Variants in TMEM108 observed in about 807,000 individuals in gnomAD.
TMEM108 encodes the protein cancer/testis antigen 124.
TMEM108 carries 12 observed loss-of-function variants against 35.1 expected under a neutral mutation model. The observed-to-expected ratio is 0.34, with a 90% CI of 0.22 to 0.55. The LOEUF is 0.55. Ranked by LOEUF, TMEM108 falls within the 20% of genes least tolerant of loss-of-function variation. The probability of loss-of-function intolerance (pLI) is 0.89; values close to 1 mark genes in which losing one functional copy is unlikely to be tolerated. For missense variants in TMEM108, 680 were observed against 753.3 expected (o/e 0.90, Z 1.14); for synonymous variants, 287 against 308.6 (o/e 0.93, Z 0.73).
At chr3:133,268,503 AC>A (rs1946728803) in intron 3 of TMEM108, among the ~76,000 whole-genome samples, 1 of 152,126 alleles carries the variant, frequency 6.6e-6, no homozygotes, top group African/African-American at 2.4e-5. Context: ...GAGGAGACCG[AC>A]TCTGAAGTCA....
In TMEM108 at chr3:133,073,506, C is replaced by A. The variant is rs370668607; in HGVS notation, c.-47+27486C>A. On this transcript the variant is annotated intron_variant, in intron 2 of 5. Transcript: ENST00000321871. The stretch of plus-strand genomic sequence containing the variant: ...CTATTCTCTCTCTCTCTCTCTCTCT[C>A]TCTCTATATATATATATATATATAT... 5.2e-3 allele frequency among the ~76,000 whole-genome samples: 409 copies of A among 78,902 alleles called. 2 individuals are homozygous for A. Among genetic ancestry groups the A allele is most frequent in the Middle Eastern group, 0.017 (3 of 180 alleles). The allele number at this position is 78,902 out of a possible 152,430, so 51.8% of individuals were successfully genotyped here.
At chr3:133,064,412 T>A (rs1559820787) in intron 2 of TMEM108, among the ~76,000 whole-genome samples, 1 of 152,246 alleles carries the variant, frequency 6.6e-6, no homozygotes, top group Non-Finnish European at 1.5e-5. Flanking sequence ...GTCTTTAATA[T>A]CTTTATTCTT....
At chr3:133,043,095 A>G (rs1417063184) in intron 1 of TMEM108, among the ~76,000 whole-genome samples, 3 of 152,222 alleles carry the variant, frequency 2.0e-5, no homozygotes, top group Admixed American at 6.5e-5. Context: ...TGTTTCCTGT[A>G]AGAAAAAACT....
In TMEM108 at chr3:133,396,257, C is replaced by T. The variant is rs188163405; in HGVS notation, c.*271C>T. On this transcript the variant is annotated 3_prime_UTR_variant, in exon 6 of 6. Transcript: ENST00000321871. ...TTCTCTTAATAACTATTCTTGAGCA[C>T]CTGGGGATCCCAGGAACCCTGGTCA... 6.3e-5 allele frequency: 10 copies of T among 159,200 alleles called. No homozygotes were observed. The East Asian group carries it at 1.6e-3, about 26-fold the overall frequency. The allele number at this position is 159,200 out of a possible 1,614,324, so 9.9% of individuals were successfully genotyped here.
At chr3:133,241,256 AC>A (rs2107660660) in intron 3 of TMEM108, among the ~76,000 whole-genome samples, 1 of 152,306 alleles carries the variant, frequency 6.6e-6, no homozygotes, top group Non-Finnish European at 1.5e-5. Context: ...TCAAGCTAGA[AC>A]CCCAAAAGCC....
At chr3:133,203,937 G>A (rs1383156105) in intron 2 of TMEM108, among the ~76,000 whole-genome samples, 2 of 152,076 alleles carry the variant, frequency 1.3e-5, no homozygotes, top group East Asian at 1.9e-4. Context: ...GGCTTTTTTG[G>A]TTGGTAGGCT....
intron 2 of TMEM108, among the ~76,000 whole-genome samples, chr3:133,214,670 G>A (rs56325413): frequency 0.12 from 18,367 of 151,970 alleles, 1,512 homozygotes; most frequent in East Asian, 0.38. Context: ...TTATATAACC[G>A]GCATCCCCCA....
intron 2 of TMEM108, among the ~76,000 whole-genome samples, chr3:133,206,293 A>G (rs1945752545): frequency 1.3e-5 from 2 of 152,130 alleles, no homozygotes; most frequent in Admixed American, 1.3e-4. Context: ...TCTGAAGCCT[A>G]CTTCTGTCAA....
At chr3:133,239,459 C>T (rs897080507) in intron 3 of TMEM108, among the ~76,000 whole-genome samples, 2 of 152,160 alleles carry the variant, frequency 1.3e-5, no homozygotes, top group African/African-American at 4.8e-5. Context: ...CTTTCCCAGA[C>T]CCCGTCCCAG....
intron 2 of TMEM108, among the ~76,000 whole-genome samples, chr3:133,072,554 G>A (rs527966323): frequency 6.6e-5 from 10 of 152,162 alleles, no homozygotes; most frequent in South Asian, 2.1e-4. Context: ...CAGAATACAC[G>A]TGGCCAAAGA....
At chr3:133,320,354 G>T (rs1672656235) in intron 3 of TMEM108, among the ~76,000 whole-genome samples, 1 of 151,690 alleles carries the variant, frequency 6.6e-6, no homozygotes, top group Admixed American at 6.6e-5. Context: ...ACAACTTCTG[G>T]AAATGAAAGA....
intron 2 of TMEM108, among the ~76,000 whole-genome samples, chr3:133,138,297 C>T (rs909857743): frequency 3.3e-5 from 5 of 152,108 alleles, no homozygotes; most frequent in Admixed American, 6.5e-5. Context: ...ATCACCTTAC[C>T]CCACAAGGAA....
At chr3:133,082,972 A>T (rs1034179248) in intron 2 of TMEM108, among the ~76,000 whole-genome samples, 1 of 152,108 alleles carries the variant, frequency 6.6e-6, no homozygotes, top group Non-Finnish European at 1.5e-5. Context: ...TTTTGTACAA[A>T]ATACTCATTT....
intron 2 of TMEM108, among the ~76,000 whole-genome samples, chr3:133,110,015 T>C (rs1576323513): frequency 1.3e-5 from 2 of 152,156 alleles, no homozygotes; most frequent in East Asian, 3.9e-4. Context: ...ATAACTGAAA[T>C]CCACCAGTTA....
At chr3:133,342,002 G>A (rs1181962451) in intron 3 of TMEM108, among the ~76,000 whole-genome samples, 1 of 151,730 alleles carries the variant, frequency 6.6e-6, no homozygotes, top group Non-Finnish European at 1.5e-5. Flanking sequence ...CACCCCACAA[G>A]CACAGGCAAC....
chr3:133,390,158 C>G (rs2073213153), intron 4 of TMEM108, 22 bp from the exon 5 acceptor site: 1 of 1,613,714 alleles, frequency 6.2e-7, no homozygotes. Flanking sequence ...CCTCTCCTCT[C>G]TGACTTGCAC....
chr3:133,339,884 G>T (rs2071611213), intron 3 of TMEM108, among the ~76,000 whole-genome samples: 1 of 151,716 alleles, frequency 6.6e-6, no homozygotes, highest in South Asian at 2.1e-4. Context: ...GAAGGAAATT[G>T]AAAATTTTCT....
At chr3:133,287,309 G>A (rs1357013496) in intron 3 of TMEM108, among the ~76,000 whole-genome samples, 1 of 152,194 alleles carries the variant, frequency 6.6e-6, no homozygotes, top group Non-Finnish European at 1.5e-5. Context: ...CTATGGGTAT[G>A]AGTGACCTCA....
At chr3:133,204,854 C>T (rs1162437105) in intron 2 of TMEM108, among the ~76,000 whole-genome samples, 1 of 152,106 alleles carries the variant, frequency 6.6e-6, no homozygotes, top group Non-Finnish European at 1.5e-5. Flanking sequence ...CCTGAATATC[C>T]TTGTTAATTT....
Sources: gnomAD v4.1 joint callset for allele counts (sites outside exome capture counted in the v4.1 genomes callset) on GRCh38, gnomAD v4.1.1 for gene constraint, MANE v1.5 for transcripts, NCBI Gene and HGNC (gene_info 2026-07-23, HGNC 2026-07-21) for gene names.